Variants in GRM1 observed in about 807,000 individuals in gnomAD.
The protein encoded by GRM1 is metabotropic glutamate receptor 1.
Under a neutral mutation model 90.9 loss-of-function variants are expected in GRM1, and 33 were observed. That is an observed-to-expected ratio of 0.36 (90% CI 0.28 to 0.49). The LOEUF (loss-of-function observed/expected upper bound fraction) is 0.49. GRM1 is among the 20% of genes least tolerant of loss of function. GRM1 has a pLI of 0.99. For synonymous variants in GRM1, 700 were observed against 613.2 expected (o/e 1.14, Z -2.09); for missense variants, 1,190 against 1,534.3 (o/e 0.78, Z 3.75).
chr6:146,069,817 T>C (rs577852744), intron 1 of GRM1, among the ~76,000 whole-genome samples: 1 of 152,322 alleles, frequency 6.6e-6, no homozygotes, highest in African/African-American at 2.4e-5. Flanking sequence ...CCACTATTTT[T>C]TACTATATGC....
chr6:146,257,986 G>A (rs1321304872), intron 2 of GRM1, among the ~76,000 whole-genome samples: 5 of 100,132 alleles, frequency 5.0e-5, no homozygotes, highest in South Asian at 3.7e-4. Context: ...TTGTTCTTCC[G>A]TAAAAAAAAA....
At chr6:146,041,569 C>T (rs1216448740) in intron 1 of GRM1, among the ~76,000 whole-genome samples, 1 of 151,920 alleles carries the variant, frequency 6.6e-6, no homozygotes, top group South Asian at 2.1e-4. Flanking sequence ...AATTTCTCTG[C>T]TGTTTGGGAG....
intron 2 of GRM1, among the ~76,000 whole-genome samples, chr6:146,207,063 T>C (rs759157964): frequency 3.3e-5 from 5 of 152,180 alleles, no homozygotes; most frequent in Non-Finnish European, 7.3e-5. Context: ...TTGATGGGCA[T>C]TTAGGTTGAT....
chr6:146,397,927 A>G (rs564760676), intron 6 of GRM1, among the ~76,000 whole-genome samples: 1 of 152,358 alleles, frequency 6.6e-6, no homozygotes, highest in South Asian at 2.1e-4. Context: ...CAATTTGGGA[A>G]ATATTGGCCC....
chr6:146,215,580 C>G (rs1305268011), intron 2 of GRM1, among the ~76,000 whole-genome samples: 1 of 151,872 alleles, frequency 6.6e-6, no homozygotes, highest in African/African-American at 2.4e-5. Flanking sequence ...TAAGCAGTGG[C>G]CTTTTAAACA....
intron 2 of GRM1, among the ~76,000 whole-genome samples, chr6:146,227,585 A>G (rs1039765837): frequency 3.3e-5 from 5 of 152,182 alleles, no homozygotes; most frequent in African/African-American, 1.2e-4. Context: ...GATCCCATCA[A>G]TGGACTATGG....
intron 1 of GRM1, among the ~76,000 whole-genome samples, chr6:146,133,494 G>T (rs1181486750): frequency 6.6e-6 from 1 of 152,078 alleles, no homozygotes; most frequent in Non-Finnish European, 1.5e-5. Context: ...GGTTCTTTGT[G>T]AACTATTCCT....
intron 1 of GRM1, among the ~76,000 whole-genome samples, chr6:146,127,571 A>G (rs1485237482): frequency 6.6e-6 from 1 of 152,146 alleles, no homozygotes; most frequent in Non-Finnish European, 1.5e-5. Context: ...CCTACAATGT[A>G]ACAATGAACC....
chr6:146,430,222 T>C (rs1192195350), intron 7 of GRM1, among the ~76,000 whole-genome samples: 1 of 152,216 alleles, frequency 6.6e-6, no homozygotes, highest in Non-Finnish European at 1.5e-5. Context: ...GGGATTGCGA[T>C]AGCTAACTAA....
intron 1 of GRM1, among the ~76,000 whole-genome samples, chr6:146,034,613 G>A (rs1790818917): frequency 6.6e-6 from 1 of 151,778 alleles, no homozygotes; most frequent in Non-Finnish European, 1.5e-5. Context: ...ATTTATCTTA[G>A]TATTCCAGCT....
intron 7 of GRM1, among the ~76,000 whole-genome samples, chr6:146,411,930 T>C (rs980894181): frequency 5.9e-5 from 9 of 152,010 alleles, no homozygotes; most frequent in East Asian, 1.9e-4. Context: ...CAAGAAAACA[T>C]TGGAAATGGC....
intron 3 of GRM1, among the ~76,000 whole-genome samples, chr6:146,307,802 A>T (rs760421243): frequency 4.6e-5 from 7 of 152,184 alleles, no homozygotes; most frequent in Non-Finnish European, 8.8e-5. Flanking sequence ...TTAATCCCAG[A>T]TGTCACTATT....
At chr6:146,304,493 T>A in intron 2 of GRM1, 118 bp from the exon 3 acceptor site, 1 of 782,766 alleles carries the variant, frequency 1.3e-6, no homozygotes, top group Non-Finnish European at 2.2e-6. Flanking sequence ...TGGGTAGTAA[T>A]GCTGGCTTAA....
Position 146,434,120 on chromosome 6 carries a change from C to A in GRM1, c.2909C>A (p.Pro970Gln). ...EEDAQPIRFS[P>Q]PGSPSMVVHR... Reference sequence around the variant, plus strand: ...GATGCCCAGCCGATTCGCTTTAGCCCGCCTGGTAGCCCTTCCATGGTGGTG... The same window carrying A: ...GATGCCCAGCCGATTCGCTTTAGCCAGCCTGGTAGCCCTTCCATGGTGGTG... The change falls in exon 8 of 8, where the codon CCG becomes CAG. Residue 970 changes from proline to glutamine, a missense_variant. Around this residue, in one of 10 missense-constraint regions of GRM1, gnomAD observed 400 missense variants for 360.8 expected, o/e 1.11. Transcript: ENST00000282753. 1 of 1,614,192 alleles carries A rather than the reference C, an allele frequency of 6.2e-7. No homozygotes were observed.
intron 2 of GRM1, among the ~76,000 whole-genome samples, chr6:146,261,157 G>A (rs930592009): frequency 1.3e-5 from 2 of 152,182 alleles, no homozygotes; most frequent in Non-Finnish European, 2.9e-5. Flanking sequence ...GCTACAGACC[G>A]TGGAATTATG....
intron 7 of GRM1, among the ~76,000 whole-genome samples, chr6:146,400,271 A>G (rs564198898): frequency 2.0e-5 from 3 of 152,326 alleles, no homozygotes; most frequent in African/African-American, 7.2e-5. Flanking sequence ...CTGACTTATC[A>G]TATCTCTCTT....
At chr6:146,392,309 G>A (rs979036688) in intron 6 of GRM1, among the ~76,000 whole-genome samples, 1 of 152,088 alleles carries the variant, frequency 6.6e-6, no homozygotes, top group Non-Finnish European at 1.5e-5. Context: ...GTCTATCCAT[G>A]TGTGAATAAG....
At chr6:146,395,613 A>G (rs1391506952) in intron 6 of GRM1, among the ~76,000 whole-genome samples, 4 of 152,276 alleles carry the variant, frequency 2.6e-5, no homozygotes, top group East Asian at 1.9e-4. Flanking sequence ...ATCTAATAAA[A>G]TTTCCAAATT....
At chr6:146,426,663 A>G (rs1778223649) in intron 7 of GRM1, 1 of 1,206,466 alleles carries the variant, frequency 8.3e-7, no homozygotes, top group Non-Finnish European at 1.2e-6. Context: ...GCTGCATGGA[A>G]AATCTAGTGT....
Sources: allele counts gnomAD v4.1 joint callset (sites outside exome capture counted in the v4.1 genomes callset), GRCh38; gene constraint gnomAD v4.1.1; regional missense constraint gnomAD v4.1.1; transcripts MANE v1.5; gene names NCBI Gene and HGNC (gene_info 2026-07-23, HGNC 2026-07-21).